The following PCID2 variants were observed in gnomAD, a reference collection of about 807,000 sequenced individuals.
PCID2 encodes the protein PCI domain containing 2, also known as PCI domain-containing protein 2.
In PCID2, 41 loss-of-function variants were observed where a neutral mutation model predicts 61.3. That is an observed-to-expected ratio of 0.67 (90% confidence interval 0.52 to 0.87). The LOEUF (loss-of-function observed/expected upper bound fraction) is 0.87. PCID2 is among the 40% of genes least tolerant of loss of function. The pLI, the probability that PCID2 is intolerant of heterozygous loss-of-function variation, is 0.00. For missense variants in PCID2, 392 were observed against 493.4 expected (o/e 0.79, Z 1.95); for synonymous variants, 187 against 177.8 (o/e 1.05, Z -0.41).
downstream of PCID2, among the ~76,000 whole-genome samples, chr13:113,172,689 C>T (rs1220928405): frequency 3.3e-5 from 5 of 152,200 alleles, no homozygotes; most frequent in East Asian, 5.8e-4. Context: ...TGAGGAGGCA[C>T]GCCGGCGTCT....
At chr13:113,185,658 A>G in intron 7 of PCID2, 98 bp from the exon 8 acceptor site, 1 of 741,072 alleles carries the variant, frequency 1.3e-6, no homozygotes, top group Non-Finnish European at 2.3e-6. Flanking sequence ...TCTTGAGGTA[A>G]GTCCCAAAGC....
intron 5 of PCID2, among the ~76,000 whole-genome samples, chr13:113,195,332 C>T (rs1310703041): frequency 3.3e-5 from 5 of 152,186 alleles, no homozygotes; most frequent in African/African-American, 4.8e-5. Flanking sequence ...CCCCACAATG[C>T]GGTGCTCCAC....
chr13:113,203,163 T>G (rs1352645557), intron 1 of PCID2, among the ~76,000 whole-genome samples: 1 of 152,234 alleles, frequency 6.6e-6, no homozygotes, highest in Non-Finnish European at 1.5e-5. Flanking sequence ...GAGAGTCCCA[T>G]GGGATTTGGG....
chr13:113,183,639 T>C (rs369794212), intron 9 of PCID2: 2 of 332,520 alleles, frequency 6.0e-6, no homozygotes, highest in Non-Finnish European at 8.6e-6. Flanking sequence ...TGTTGCTTCA[T>C]GTACTTGGGA....
intron 4 of PCID2, 181 bp downstream of exon 4, chr13:113,196,997 G>A (rs757220524): frequency 3.2e-6 from 5 of 1,543,714 alleles, no homozygotes; most frequent in East Asian, 2.2e-5. Context: ...CGAGTCTTCA[G>A]ATCCATGCTA....
At position 113,177,873 on chromosome 13, in the gene PCID2, C is replaced by T. The variant is rs375561486; in HGVS notation, c.*325G>A. 318 of 192,176 alleles carry T rather than the reference C, an allele frequency of 1.7e-3. 9 individuals are homozygous for T. The South Asian group carries it at 0.035, about 21-fold the overall frequency. 11.9% of individuals were successfully genotyped at this position (192,176 alleles called of 1,614,324 possible). On this transcript the variant is annotated 3_prime_UTR_variant, in exon 14 of 14. Transcript: ENST00000337344. ...TTACACAAAGAACTACAAAAAGTTA[C>T]AAAGACAGCCTTCAGGAACCACACT... is the stretch of plus-strand genomic sequence containing the variant.
intron 1 of PCID2, among the ~76,000 whole-genome samples, chr13:113,205,894 G>A (rs891738788): frequency 1.8e-4 from 27 of 152,212 alleles, no homozygotes; most frequent in African/African-American, 6.0e-4. Context: ...TGATGGTTGT[G>A]CAATATTGTG....
At chr13:113,182,643 G>GC (rs1324774381) in intron 9 of PCID2, among the ~76,000 whole-genome samples, 1 of 152,122 alleles carries the variant, frequency 6.6e-6, no homozygotes, top group Non-Finnish European at 1.5e-5. Context: ...GGGACTACAG[G>GC]CACCCACCAC....
chr13:113,194,073 G>A (rs9549689), intron 6 of PCID2, among the ~76,000 whole-genome samples: 26,399 of 152,080 alleles, frequency 0.17, 2,929 homozygotes, highest in South Asian at 0.41. Flanking sequence ...CCACTGAGTC[G>A]GGGAGGTCTA....
At chr13:113,208,196 C>A in intron 1 of PCID2, 1 of 1,556,078 alleles carries the variant, frequency 6.4e-7, no homozygotes. Flanking sequence ...TCCCCGAATT[C>A]ATCCCGCATC....
rs758729051 is a variant in PCID2 at position 113,185,567 on chromosome 13, G to C, written c.468-7C>G. ...GTCCTCTATACCAGCACGGCTATGG[G>C]GAAATAATTTTTTTTAAGTTACATA... On this transcript the variant is annotated splice_region_variant and splice_polypyrimidine_tract_variant and intron_variant, in intron 7 of 13. Transcript: ENST00000337344. The C allele has an allele frequency of 6.3e-7, 1 of 1,589,078 alleles. No homozygotes were observed. Among genetic ancestry groups the C allele is most frequent in the Non-Finnish European group, 8.6e-7 (1 of 1,162,058 alleles).
At chr13:113,193,167 C>G (rs1171708685) in intron 6 of PCID2, among the ~76,000 whole-genome samples, 5 of 152,072 alleles carry the variant, frequency 3.3e-5, no homozygotes, top group Non-Finnish European at 7.4e-5. Flanking sequence ...ATGACTAACA[C>G]AAGATATTAC....
intron 1 of PCID2, among the ~76,000 whole-genome samples, chr13:113,205,753 CAG>C (rs2039761828): frequency 6.6e-6 from 1 of 152,194 alleles, no homozygotes; most frequent in East Asian, 1.9e-4. Context: ...CTGAAATCAC[CAG>C]AGTCAGCAAA....
intron 7 of PCID2, chr13:113,188,481 C>G (rs1377282083): frequency 6.6e-6 from 1 of 152,256 alleles, no homozygotes; most frequent in African/African-American, 2.4e-5. Flanking sequence ...AGTGGAAGTC[C>G]ACCTGGCCTT....
chr13:113,185,710 T>G (rs1595178449), intron 7 of PCID2, 150 bp from the exon 8 acceptor site: 5 of 513,788 alleles, frequency 9.7e-6, no homozygotes, highest in African/African-American at 7.6e-5. Context: ...CAAGTCATAT[T>G]CATCAAACAA....
chr13:113,195,207 C>A, intron 5 of PCID2, 82 bp from the exon 6 acceptor site: 1 of 840,580 alleles, frequency 1.2e-6, no homozygotes, highest in Non-Finnish European at 2.1e-6. Context: ...ACACGGACAC[C>A]CAGGGCTACT....
chr13:113,172,458 C>G, the PCID2 span: 2 of 358,776 alleles, frequency 5.6e-6, no homozygotes, highest in East Asian at 1.5e-4. Flanking sequence ...CCACCCCAGC[C>G]TGCACACTGG....
At chr13:113,170,320 G>C in the PCID2 span, 1 of 780,530 alleles carries the variant, frequency 1.3e-6, no homozygotes, top group Non-Finnish European at 2.3e-6. Flanking sequence ...GGTGGGGGTG[G>C]GGGGGTGGTC....
At chr13:113,165,061 G>T in the PCID2 span, 11 of 1,613,458 alleles carry the variant, frequency 6.8e-6, no homozygotes, top group East Asian at 2.5e-4. Context: ...AGACCAGTGT[G>T]CCTGCGGGGT....
Sources: allele counts gnomAD v4.1 joint callset (sites outside exome capture counted in the v4.1 genomes callset), GRCh38; gene constraint gnomAD v4.1.1; transcripts MANE v1.5; gene names NCBI Gene and HGNC (gene_info 2026-07-23, HGNC 2026-07-21).